CHD5: variants seen among roughly 807,000 people sequenced by gnomAD.
The protein encoded by CHD5 is ATP-dependent chromatin remodeler CHD5.
In CHD5, 69 loss-of-function variants were observed where a neutral mutation model predicts 230.3. The observed-to-expected ratio is 0.30, with a 90% CI of 0.25 to 0.37. The LOEUF (loss-of-function observed/expected upper bound fraction) is 0.37. Among genes scored for constraint, CHD5 ranks in the 10% least tolerant of loss-of-function variants. CHD5 has a pLI of 1.00. For synonymous variants in CHD5, 1,064 were observed against 1,065.9 expected, an observed-to-expected ratio of 1.00 and a Z score of 0.03; for missense variants, 1,827 against 2,622.8, an observed-to-expected ratio of 0.70 and a Z score of 6.63.
rs1367260670 is a variant in CHD5 at position 6,111,831 on chromosome 1, T to C, written c.5193A>G (p.Lys1731=). ...NEERAAVSSG[K]IYDIWHRRHD... ...GGCGCCGGTGCCAGATGTCGTAGAT[T>C]TTCCCAGAGGATACAGCAGCCCGCT... Residue 1731 remains lysine, a synonymous_variant, in exon 36 of 42, where the codon AAA becomes AAG. Transcript: ENST00000262450. 2 of 1,613,416 alleles carry C rather than the reference T, an allele frequency of 1.2e-6. No homozygotes were observed. The highest frequency in any genetic ancestry group is 1.7e-6 in the Non-Finnish European group (2 of 1,180,024).
At chr1:6,135,923 T>G (rs1350558971) in intron 17 of CHD5, among the ~76,000 whole-genome samples, 2 of 151,892 alleles carry the variant, frequency 1.3e-5, no homozygotes, top group African/African-American at 4.8e-5. Flanking sequence ...GGCAGGAGAA[T>G]CACTTGAACC....
intron 33 of CHD5, among the ~76,000 whole-genome samples, chr1:6,113,747 A>T (rs1666330736): frequency 6.6e-6 from 1 of 152,222 alleles, no homozygotes; most frequent in Admixed American, 6.5e-5. Context: ...CACAGGATCA[A>T]GGAAAAGAAG....
In CHD5 at chr1:6,154,198, C is replaced by G. The variant is rs1399690644; in HGVS notation, c.745+462G>C. On this transcript the variant is annotated intron_variant, in intron 5 of 41. Transcript: ENST00000262450. The surrounding 1 kb of genome is among the most constrained non-coding windows in gnomAD (Gnocchi z 7.0). ...ATTGGCCGAGGGCCTGGAGAACAAC[C>G]CTGCACACAGTGGGTATGCAGACAA... Among the ~76,000 whole-genome samples the G allele has an allele frequency of 1.3e-5, 2 of 152,206 alleles. No homozygotes were observed. Among genetic ancestry groups the G allele is most frequent in the African/African-American group, 2.4e-5 (1 of 41,456 alleles).
chr1:6,146,540 G>C lies in CHD5; in HGVS notation c.1591-117C>G. 7.2e-7 allele frequency: 1 copy of C among 1,386,456 alleles called. No homozygotes were observed. The highest frequency in any genetic ancestry group is 1.8e-5 in the Admixed American group (1 of 55,574). The allele number at this position is 1,386,456 out of a possible 1,614,324, so 85.9% of individuals were successfully genotyped here. On this transcript the variant is annotated intron_variant, in intron 10 of 41. Transcript: ENST00000262450. This position sits in a 1 kb window ranked among gnomAD's most constrained non-coding sequence, Gnocchi z 5.1. ...CCAGGCAGGACAATCCTCCCGCTCA[G>C]CACCACCCCAACTCCCAACAGCACC...
intron 2 of CHD5, among the ~76,000 whole-genome samples, chr1:6,164,035 T>C (rs1667216205): frequency 6.6e-6 from 1 of 152,226 alleles, no homozygotes; most frequent in Non-Finnish European, 1.5e-5. Context: ...GAGGGGTCTC[T>C]GCTCTGAGCC....
chr1:6,160,435 A>AGCCCCAGCCAGGGAAGG (rs1463865994), intron 2 of CHD5, among the ~76,000 whole-genome samples: 1 of 124,162 alleles, frequency 8.1e-6, no homozygotes, highest in African/African-American at 3.4e-5. Flanking sequence ...AGAGAAGGAG[A>AGCCCCAGCCAGGGAAGG]GCCCCAGCCA....
In CHD5 at chr1:6,121,978, C is replaced by T. The variant is rs891778374; in HGVS notation, c.4700-405G>A. Reference sequence around the variant, plus strand: ...TGAATTTCCTCCCTGCCAAGCCAGCCGCCAACACACTGCAAAGTGCTGGTC... The same window carrying T: ...TGAATTTCCTCCCTGCCAAGCCAGCTGCCAACACACTGCAAAGTGCTGGTC... On this transcript the variant is annotated intron_variant, in intron 31 of 41. Coordinates refer to ENST00000262450, the MANE Select transcript of CHD5 (RefSeq NM_015557.3). The surrounding 1 kb of genome is among the most constrained non-coding windows in gnomAD (Gnocchi z 4.5). Among the ~76,000 whole-genome samples the T allele has an allele frequency of 7.2e-5, 11 of 152,148 alleles. No individual in the cohort carries two copies. The highest frequency in any genetic ancestry group is 1.9e-4 in the African/African-American group (8 of 41,432).
intron 9 of CHD5, 138 bp downstream of exon 9, chr1:6,148,716 T>C: frequency 1.6e-6 from 1 of 616,432 alleles, no homozygotes; most frequent in South Asian, 2.8e-5. Context: ...CGGGCGAAGC[T>C]TTGCGGGATC....
intron 2 of CHD5, among the ~76,000 whole-genome samples, chr1:6,165,627 C>T (rs529658812): frequency 2.3e-4 from 35 of 151,978 alleles, no homozygotes; most frequent in Non-Finnish European, 4.4e-4. Flanking sequence ...CTCCACCAGA[C>T]AGTCTCGGTG....
intron 9 of CHD5, among the ~76,000 whole-genome samples, chr1:6,147,623 C>T (rs1666931711): frequency 6.6e-6 from 1 of 152,204 alleles, no homozygotes; most frequent in African/African-American, 2.4e-5. Context: ...TTCAGGGAGA[C>T]AGCTCTGGTG....
chr1:6,175,864 C>T (rs1239043550), intron 1 of CHD5, among the ~76,000 whole-genome samples: 1 of 150,494 alleles, frequency 6.6e-6, no homozygotes, highest in African/African-American at 2.5e-5. Flanking sequence ...GAAGCATGGA[C>T]GAATAGTGCA....
intron 38 of CHD5, 77 bp downstream of exon 38, chr1:6,109,718 C>T (rs1005796343): frequency 1.6e-6 from 2 of 1,289,476 alleles, no homozygotes; most frequent in Non-Finnish European, 2.2e-6. Flanking sequence ...CATCAGTGCC[C>T]TCATCTACAG....
chr1:6,146,255 T>C lies in CHD5; in HGVS notation c.1759A>G (p.Ile587Val), dbSNP rs753649917. Residue 587 changes from isoleucine to valine, a missense_variant, in exon 11 of 42, where the codon ATC (isoleucine) becomes GTC (valine). By Grantham distance (29) the Ile-to-Val change is conservative. Around this residue, in one of 14 missense-constraint regions of CHD5, gnomAD observed 657 missense variants for 816.4 expected, o/e 0.80. Transcript: ENST00000262450. The surrounding 1 kb of genome is among the most constrained non-coding windows in gnomAD (Gnocchi z 5.1). ...TGAATCATCATCCACTCTGGCTTGA[T>C]GCCATAGCGGTAGAAGCGCTCCTCC... is the stretch of plus-strand genomic sequence containing the variant. ...KMEERFYRYGIKPEWMMIHRI... is the reference protein window; with the variant it reads ...KMEERFYRYGVKPEWMMIHRI... The C allele has an allele frequency of 1.9e-6, 3 of 1,614,090 alleles. No individual in the cohort carries two copies. Among genetic ancestry groups the C allele is most frequent in the Non-Finnish European group, 2.5e-6 (3 of 1,180,040 alleles).
chr1:6,147,862 A>G (rs1666935610), intron 9 of CHD5, among the ~76,000 whole-genome samples: 1 of 152,054 alleles, frequency 6.6e-6, no homozygotes. Flanking sequence ...GGAGGAGGAC[A>G]TGGGAGGCAG....
chr1:6,120,903 CA>C (rs150515182), intron 33 of CHD5, among the ~76,000 whole-genome samples: 226 of 141,392 alleles, frequency 1.6e-3, no homozygotes, highest in Non-Finnish European at 1.9e-3. Context: ...ACCCTTTCTC[CA>C]AAAAAAAAAA....
rs538223860 is a variant in CHD5 at position 6,105,838 on chromosome 1, G to A, written c.*46+396C>T. 1.3e-5 allele frequency among the ~76,000 whole-genome samples: 2 copies of A among 152,366 alleles called. No individual in the cohort carries two copies. Among genetic ancestry groups the A allele is most frequent in the East Asian group, 1.9e-4 (1 of 5,188 alleles). On this transcript the variant is annotated intron_variant, in intron 41 of 41. Coordinates refer to ENST00000262450, the MANE Select transcript of CHD5 (RefSeq NM_015557.3). This position sits in a 1 kb window ranked among gnomAD's most constrained non-coding sequence, Gnocchi z 4.8. The stretch of plus-strand genomic sequence containing the variant: ...TCCTGGTCCTGGGCAGGAAGTGAGG[G>A]TGTAAGACAAGATGTGATGTCTGCC...
Position 6,146,328 on chromosome 1 carries a change from G to A in CHD5, c.1686C>T (p.Asp562=), listed in dbSNP as rs776651479. ...PPFDYGSGDE[D]GKSEKRKNKD... is the part of the protein sequence containing the mutation. ...TGTTCTTCCTCTTCTCGCTCTTGCC[G>A]TCTTCATCCCCAGAGCCGTAGTCAA... is the stretch of plus-strand genomic sequence containing the variant. The change falls in exon 11 of 42, where the codon GAC becomes GAT. Residue 562 remains aspartate (D), a synonymous_variant. Coordinates refer to ENST00000262450, the MANE Select transcript of CHD5 (RefSeq NM_015557.3). This position sits in a 1 kb window ranked among gnomAD's most constrained non-coding sequence, Gnocchi z 5.1. 2.0e-5 allele frequency: 32 copies of A among 1,614,104 alleles called. No individual in the cohort carries two copies. The highest frequency in any genetic ancestry group is 5.5e-5 in the South Asian group (5 of 91,086).
intron 34 of CHD5, among the ~76,000 whole-genome samples, chr1:6,112,574 G>T (rs1666309893): frequency 1.3e-5 from 2 of 152,192 alleles, no homozygotes; most frequent in Admixed American, 1.3e-4. Flanking sequence ...CTGCCTGAGG[G>T]GGCTGATCTG....
At position 6,121,277 on chromosome 1, in the gene CHD5, C is replaced by T. The variant is rs1166502691; in HGVS notation, c.4780-40G>A. The T allele has an allele frequency of 6.3e-7, 1 of 1,590,284 alleles. No homozygotes were observed. The highest frequency in any genetic ancestry group is 1.4e-5 in the African/African-American group (1 of 73,652). On this transcript the variant is annotated intron_variant, in intron 32 of 41. Coordinates refer to ENST00000262450, the MANE Select transcript of CHD5 (RefSeq NM_015557.3). This position sits in a 1 kb window ranked among gnomAD's most constrained non-coding sequence, Gnocchi z 4.5. ...CCAGGAGAACTACAAGGCCTGGGGCCTCACCAGGAACGGAGGGCGGGGAAC... is the reference window on the plus strand; with the variant it reads ...CCAGGAGAACTACAAGGCCTGGGGCTTCACCAGGAACGGAGGGCGGGGAAC...
Sources: allele counts gnomAD v4.1 joint callset (sites outside exome capture counted in the v4.1 genomes callset), GRCh38; gene constraint gnomAD v4.1.1; regional missense constraint gnomAD v4.1.1; non-coding constraint Gnocchi (gnomAD v3.1); transcripts MANE v1.5; gene names NCBI Gene and HGNC (gene_info 2026-07-23, HGNC 2026-07-21).